The following EMSY variants were observed in gnomAD, a reference collection of about 807,000 sequenced individuals.
The protein encoded by EMSY is BRCA2-interacting transcriptional repressor EMSY.
A neutral mutation model predicts 134.6 loss-of-function variants in EMSY; 26 were observed. That is an observed-to-expected ratio of 0.19 (90% CI 0.14 to 0.27). The LOEUF (loss-of-function observed/expected upper bound fraction) is 0.27. Ranked by LOEUF, EMSY falls within the 10% of genes least tolerant of loss-of-function variation. The pLI is 1.00. For synonymous variants in EMSY, 579 were observed against 577.8 expected (o/e 1.00, Z -0.03); for missense variants, 1,305 against 1,611.4 (o/e 0.81, Z 3.26).
chr11:76,447,000 G>A (rs762207865), exon 2 of EMSY: 1 of 1,613,284 alleles, frequency 6.2e-7, no homozygotes, highest in Non-Finnish European at 8.5e-7. Flanking sequence ...AGAATTCTTC[G>A]AAAATTGGGT....
At chr11:76,542,758 T>G (rs559197941) in intron 18 of EMSY, among the ~76,000 whole-genome samples, 3 of 148,938 alleles carry the variant, frequency 2.0e-5, no homozygotes, top group Non-Finnish European at 4.5e-5. Context: ...TTTTTGTTTT[T>G]TTTTTTTTTT....
chr11:76,502,916 C>T (rs1000668347), intron 9 of EMSY, among the ~76,000 whole-genome samples: 15 of 152,060 alleles, frequency 9.9e-5, no homozygotes, highest in African/African-American at 3.4e-4. Flanking sequence ...CAGACTTCTT[C>T]GTAGAAATTG....
At chr11:76,536,035 C>T (rs1286251573) in exon 15 of EMSY, 8 of 1,576,158 alleles carry the variant, frequency 5.1e-6, no homozygotes, top group Middle Eastern at 1.7e-4. Context: ...AATCAAAGCT[C>T]TGTTAGAACT....
At chr11:76,536,127 C>T (rs2136542755) in intron 15 of EMSY, 68 bp downstream of exon 16, 1 of 1,025,678 alleles carries the variant, frequency 9.7e-7, no homozygotes, top group Non-Finnish European at 1.3e-6. Flanking sequence ...TAAAATACTA[C>T]CACTGTTATT....
At chr11:76,512,610 G>A (rs938281613) in intron 9 of EMSY, among the ~76,000 whole-genome samples, 19 of 151,192 alleles carry the variant, frequency 1.3e-4, no homozygotes, top group African/African-American at 4.1e-4. Flanking sequence ...AATGAATGCA[G>A]GCAGCAAGCT....
chr11:76,507,623 T>C (rs1179914496), intron 9 of EMSY, among the ~76,000 whole-genome samples: 1 of 152,208 alleles, frequency 6.6e-6, no homozygotes, highest in Non-Finnish European at 1.5e-5. Flanking sequence ...CACAAGATAG[T>C]TATTTCTCTC....
intron 8 of EMSY, among the ~76,000 whole-genome samples, chr11:76,485,136 C>T (rs1214393429): frequency 6.6e-6 from 1 of 152,124 alleles, no homozygotes; most frequent in Admixed American, 6.6e-5. Context: ...GGAGCTGCTA[C>T]CATTCCTTAT....
intron 7 of EMSY, among the ~76,000 whole-genome samples, chr11:76,471,648 GTTC>G (rs1948572712): frequency 1.3e-5 from 2 of 152,050 alleles, no homozygotes; most frequent in Non-Finnish European, 2.9e-5. Flanking sequence ...TTTGTCTGAT[GTTC>G]TTCTCATGAT....
chr11:76,453,251 A>C, intron 3 of EMSY, 63 bp from the exon 4 acceptor site: 2 of 1,481,936 alleles, frequency 1.3e-6, no homozygotes, highest in Non-Finnish European at 1.9e-6. Flanking sequence ...CTTAAACATT[A>C]ATGAAAGTAT....
At chr11:76,445,718 G>A (rs956383992) in intron 1 of EMSY, among the ~76,000 whole-genome samples, 1 of 152,184 alleles carries the variant, frequency 6.6e-6, no homozygotes, top group African/African-American at 2.4e-5. Context: ...GGACGCGCCG[G>A]GATGCCGTGA....
chr11:76,446,876 G>A (rs1172508312), intron 1 of EMSY, 24 bp from the exon 2 acceptor site: 1 of 1,504,434 alleles, frequency 6.6e-7, no homozygotes, highest in Non-Finnish European at 9.1e-7. Flanking sequence ...TTGGTAATTT[G>A]ACTTTTTTTT....
At chr11:76,518,703 A>ATATTTTTTTT (rs57143914) in intron 11 of EMSY, among the ~76,000 whole-genome samples, 1 of 130,204 alleles carries the variant, frequency 7.7e-6, no homozygotes, top group Non-Finnish European at 1.6e-5. Context: ...ATATATATAT[A>ATATTTTTTTT]TTTTTTTTTT....
exon 21 of EMSY, chr11:76,550,359 AG>A (rs1951801491): frequency 2.1e-5 from 7 of 326,896 alleles, no homozygotes; most frequent in African/African-American, 2.4e-5. Flanking sequence ...AAAATGAAAA[AG>A]AAAAAAAAAG....
At chr11:76,485,949 C>G (rs1278159033) in intron 8 of EMSY, among the ~76,000 whole-genome samples, 2 of 152,114 alleles carry the variant, frequency 1.3e-5, no homozygotes, top group African/African-American at 4.8e-5. Flanking sequence ...GACACATGCA[C>G]ATGTATGTTT....
chr11:76,522,450 C>T (rs1950682116), intron 11 of EMSY, among the ~76,000 whole-genome samples: 2 of 146,962 alleles, frequency 1.4e-5, no homozygotes, highest in South Asian at 4.4e-4. Context: ...TCACTGCAAC[C>T]TCCACCTCCC....
rs118051815 is a variant in EMSY at position 76,517,703 on chromosome 11, A to G, written c.1684+1391A>G. Among the ~76,000 whole-genome samples the G allele has an allele frequency of 1.5e-4, 23 of 152,326 alleles. No homozygotes were observed. The East Asian group carries it at 4.2e-3, about 28-fold the overall frequency. On this transcript the variant is annotated intron_variant, in intron 11 of 20. Transcript: ENST00000334736. Reference sequence around the variant, plus strand: ...GTCATTTGAAATTTATATATCTTATACATGTATAATGTGTTATCCATCTTT... The same window carrying G: ...GTCATTTGAAATTTATATATCTTATGCATGTATAATGTGTTATCCATCTTT...
chr11:76,546,068 G>A (rs1315376780), exon 20 of EMSY: 1 of 1,614,162 alleles, frequency 6.2e-7, no homozygotes, highest in African/African-American at 1.3e-5. Context: ...ATGCTCACTG[G>A]TGAAGCAGGA....
intron 4 of EMSY, among the ~76,000 whole-genome samples, chr11:76,454,450 A>G (rs187558165): frequency 3.5e-4 from 54 of 152,154 alleles, no homozygotes; most frequent in Admixed American, 3.5e-3. Flanking sequence ...TGGTTGAAAC[A>G]CTCAGATATT....
intron 17 of EMSY, among the ~76,000 whole-genome samples, chr11:76,539,911 T>C (rs1447721916): frequency 6.6e-6 from 1 of 152,196 alleles, no homozygotes; most frequent in African/African-American, 2.4e-5. Context: ...TCAGCTATTT[T>C]CCAAGGGTTT....
Sources: gnomAD v4.1 joint callset for allele counts (sites outside exome capture counted in the v4.1 genomes callset) on GRCh38, gnomAD v4.1.1 for gene constraint, MANE v1.5 for transcripts, NCBI Gene and HGNC (gene_info 2026-07-23, HGNC 2026-07-21) for gene names.